ADGRV1: variants seen among roughly 807,000 people sequenced by gnomAD.
ADGRV1 encodes the protein adhesion G protein-coupled receptor V1.
A neutral mutation model predicts 596.2 loss-of-function variants in ADGRV1; 359 were observed. The ratio of observed to expected loss-of-function variants is 0.60; its 90% CI spans 0.55 to 0.66. The LOEUF is 0.66. Among genes scored for constraint, ADGRV1 ranks in the 30% least tolerant of loss-of-function variants. The pLI is 0.00. For missense variants in ADGRV1, 7,274 were observed against 7,575.6 expected (o/e 0.96, Z 1.48); for synonymous variants, 2,681 against 2,679.2 (o/e 1.00, Z -0.02).
At chr5:90,577,334 T>C (rs1386430010) in intron 1 of ADGRV1, among the ~76,000 whole-genome samples, 1 of 152,246 alleles carries the variant, frequency 6.6e-6, no homozygotes, top group East Asian at 1.9e-4. Context: ...TTTCTACATA[T>C]GGCTAGCCAG....
chr5:90,966,697 T>C (rs1778505270), intron 84 of ADGRV1, among the ~76,000 whole-genome samples: 1 of 152,096 alleles, frequency 6.6e-6, no homozygotes, highest in South Asian at 2.1e-4. Context: ...TAGTAAATGT[T>C]GGGGGAGAAA....
At chr5:90,766,055 G>A (rs1196052864) in intron 59 of ADGRV1, among the ~76,000 whole-genome samples, 3 of 151,946 alleles carry the variant, frequency 2.0e-5, no homozygotes, top group East Asian at 1.9e-4. Flanking sequence ...GACTACAGGC[G>A]CCCGCCACCA....
chr5:91,018,585 T>TA (rs1294843016), intron 85 of ADGRV1, among the ~76,000 whole-genome samples: 1 of 151,984 alleles, frequency 6.6e-6, no homozygotes, highest in Non-Finnish European at 1.5e-5. Context: ...ATGTTTGCCC[T>TA]AAGTCAGCTA....
intron 1 of ADGRV1, among the ~76,000 whole-genome samples, chr5:90,582,225 C>A (rs1336491383): frequency 1.3e-5 from 2 of 151,166 alleles, no homozygotes; most frequent in Non-Finnish European, 2.9e-5. Flanking sequence ...AAGTGTTAAG[C>A]TTAATTCCAG....
intron 83 of ADGRV1, among the ~76,000 whole-genome samples, chr5:90,956,545 G>A (rs566239551): frequency 1.3e-3 from 192 of 152,276 alleles, no homozygotes; most frequent in African/African-American, 4.5e-3. Flanking sequence ...ACTGAGAAAT[G>A]TGACTTTGAA....
In ADGRV1 at chr5:90,756,485, TTGTCAC is replaced by T. The variant is rs758250215; in HGVS notation, c.11614_11619del (p.Val3872_Thr3873del). The T allele has an allele frequency of 6.3e-7, 1 of 1,588,136 alleles. No individual in the cohort carries two copies. The highest frequency in any genetic ancestry group is 1.4e-5 in the African/African-American group (1 of 73,778). On this transcript the variant is annotated inframe_deletion, in exon 56 of 90. Coordinates refer to ENST00000405460, the MANE Select transcript of ADGRV1 (RefSeq NM_032119.4). ...CTTCCTGAATTGGAGGAAGGATTTA[TTGTCAC>T]TATCACTGAGGTGAACCTGGTGAAC...
chr5:90,713,170 T>A (rs571442341), intron 42 of ADGRV1, among the ~76,000 whole-genome samples: 7 of 152,168 alleles, frequency 4.6e-5, no homozygotes, highest in South Asian at 4.1e-4. Flanking sequence ...TGGTTTTTTT[T>A]AAAAAAAATT....
At chr5:91,026,317 C>CA (rs551927834) in intron 85 of ADGRV1, among the ~76,000 whole-genome samples, 97 of 152,106 alleles carry the variant, frequency 6.4e-4, no homozygotes, top group African/African-American at 1.7e-3. Context: ...CAATGCCTTT[C>CA]AAAAAAATAA....
chr5:90,595,087 G>T (rs1328911659), intron 1 of ADGRV1, among the ~76,000 whole-genome samples: 1 of 133,848 alleles, frequency 7.5e-6, no homozygotes, highest in East Asian at 2.1e-4. Context: ...CTCACCTCCC[G>T]GACGGGGCAG....
rs570407323 is a variant in ADGRV1, at chr5:90,821,377, C to G, written c.16197-2048C>G. 4.6e-5 allele frequency among the ~76,000 whole-genome samples: 7 copies of G among 151,218 alleles called. No individual in the cohort carries two copies. The East Asian group carries it at 1.4e-3, about 30-fold the overall frequency. ...TTGGTTTGAATGTCCTCCCGTAGCT[C>G]AGAGTAATTTGATCGTCTGAAGCCT... On this transcript the variant is annotated intron_variant, in intron 75 of 89. Transcript: ENST00000405460.
At chr5:91,079,542 A>T (rs1789155618) in intron 86 of ADGRV1, among the ~76,000 whole-genome samples, 2 of 152,194 alleles carry the variant, frequency 1.3e-5, no homozygotes. Context: ...TAGAACAATA[A>T]CATCAGGAGT....
rs150783671 is a variant in ADGRV1 at position 90,750,439 on chromosome 5, C to A, written c.10975-112C>A. ...TAATTGTCGTTTTCACTTACTATGT[C>A]ATGTTGCTTAGGACCACAAAGTTTG... On this transcript the variant is annotated intron_variant, in intron 52 of 89. Coordinates refer to ENST00000405460, the MANE Select transcript of ADGRV1 (RefSeq NM_032119.4). 777 of 742,202 alleles carry A rather than the reference C, an allele frequency of 1.0e-3. No individual in the cohort carries two copies. In the African/African-American group the frequency reaches 0.012, roughly 11 times the overall value. The allele number at this position is 742,202 out of a possible 1,614,324, so 46.0% of individuals were successfully genotyped here.
chr5:90,573,470 G>A (rs1756802952), intron 1 of ADGRV1, among the ~76,000 whole-genome samples: 1 of 152,124 alleles, frequency 6.6e-6, no homozygotes, highest in South Asian at 2.1e-4. Context: ...CTAAAAACCT[G>A]TACAGCATGC....
At chr5:91,087,713 C>A (rs1475155546) in intron 86 of ADGRV1, among the ~76,000 whole-genome samples, 1 of 152,136 alleles carries the variant, frequency 6.6e-6, no homozygotes, top group Non-Finnish European at 1.5e-5. Flanking sequence ...TCGAAGTGTT[C>A]CACTTTTCAA....
At chr5:91,076,660 GTTA>G (rs1224628381) in intron 86 of ADGRV1, among the ~76,000 whole-genome samples, 2 of 151,818 alleles carry the variant, frequency 1.3e-5, no homozygotes, top group Admixed American at 6.6e-5. Context: ...TTCCTCAAAA[GTTA>G]TTATTATTAG....
intron 70 of ADGRV1, among the ~76,000 whole-genome samples, chr5:90,798,643 A>G (rs112532717): frequency 4.6e-5 from 7 of 152,222 alleles, no homozygotes; most frequent in African/African-American, 1.7e-4. Flanking sequence ...TTTCAGGCCA[A>G]TATCTGTGAT....
chr5:90,562,627 TCA>T (rs1172279254), intron 1 of ADGRV1, among the ~76,000 whole-genome samples: 2 of 152,304 alleles, frequency 1.3e-5, no homozygotes, highest in African/African-American at 4.8e-5. Flanking sequence ...TGGCTTTACC[TCA>T]AAGCCAGGGC....
chr5:90,956,753 A>G (rs980539873), intron 83 of ADGRV1, among the ~76,000 whole-genome samples: 5 of 152,112 alleles, frequency 3.3e-5, no homozygotes, highest in African/African-American at 1.2e-4. Context: ...AGTACATGCT[A>G]GCATCGGTGA....
intron 69 of ADGRV1, among the ~76,000 whole-genome samples, chr5:90,790,552 T>C (rs1471089123): frequency 6.6e-6 from 1 of 152,214 alleles, no homozygotes; most frequent in Non-Finnish European, 1.5e-5. Flanking sequence ...CTTGAAATAC[T>C]GTGTGTGGTG....
Sources: gnomAD v4.1 joint callset for allele counts (sites outside exome capture counted in the v4.1 genomes callset) on GRCh38, gnomAD v4.1.1 for gene constraint, MANE v1.5 for transcripts, NCBI Gene and HGNC (gene_info 2026-07-23, HGNC 2026-07-21) for gene names.